PIK3CA: variants seen among roughly 807,000 people sequenced by gnomAD.
The protein encoded by PIK3CA is phosphatidylinositol 4,5-bisphosphate 3-kinase catalytic subunit alpha isoform.
In PIK3CA, 27 loss-of-function variants were observed where a neutral mutation model predicts 138.2. That is an observed-to-expected ratio of 0.20 (90% CI 0.14 to 0.27). The LOEUF is 0.27. Among genes scored for constraint, PIK3CA ranks in the 10% least tolerant of loss-of-function variants. PIK3CA has a pLI of 1.00. For missense variants in PIK3CA, 544 were observed against 1,277.4 expected, an observed-to-expected ratio of 0.43 and a Z score of 8.75; for synonymous variants, 358 against 413.2, an observed-to-expected ratio of 0.87 and a Z score of 1.62.
chr3:179,206,739 A>G (rs913108470), intron 6 of PIK3CA, among the ~76,000 whole-genome samples: 1 of 152,018 alleles, frequency 6.6e-6, no homozygotes, highest in Non-Finnish European at 1.5e-5. Flanking sequence ...ATATGGAAAA[A>G]CACAGTCTCT....
chr3:179,175,252 T>TA (rs1261246019), intron 1 of PIK3CA, among the ~76,000 whole-genome samples: 1 of 152,228 alleles, frequency 6.6e-6, no homozygotes, highest in African/African-American at 2.4e-5. Flanking sequence ...CTCCTACAAT[T>TA]ATGTGATATT....
At chr3:179,223,172 G>C (rs1725006423) in intron 14 of PIK3CA, among the ~76,000 whole-genome samples, 1 of 152,172 alleles carries the variant, frequency 6.6e-6, no homozygotes, top group Non-Finnish European at 1.5e-5. Context: ...ATGAACAAGA[G>C]CTATCTAGTC....
chr3:179,180,885 A>G (rs1314172041), intron 1 of PIK3CA, among the ~76,000 whole-genome samples: 2 of 152,198 alleles, frequency 1.3e-5, no homozygotes, highest in Non-Finnish European at 2.9e-5. Context: ...ATAAAATGTG[A>G]ACCTGAGAAC....
At position 179,237,882 on chromosome 3, in the gene PIK3CA, C is replaced by T. The variant is rs906638722; in HGVS notation, c.*3518C>T. ...CCTCTTTTTTCTATGTCTGCACAAA[C>T]TGCAGACCTGGGCTGGACCCACATA... On this transcript the variant is annotated 3_prime_UTR_variant, in exon 21 of 21. Transcript: ENST00000263967. 1.0e-4 allele frequency: 21 copies of T among 210,440 alleles called. No homozygotes were observed. Among genetic ancestry groups the T allele is most frequent in the Non-Finnish European group, 1.6e-4 (17 of 103,616 alleles). 13.0% of individuals were successfully genotyped at this position (210,440 alleles called of 1,614,324 possible).
At chr3:179,200,014 G>A (rs985274421) in intron 3 of PIK3CA, 115 bp downstream of exon 3, 2 of 611,012 alleles carry the variant, frequency 3.3e-6, no homozygotes, top group Admixed American at 2.8e-5. Context: ...CTTCTTGAAG[G>A]CAGGGACTGC....
chr3:179,181,272 A>C (rs751185523), intron 1 of PIK3CA, among the ~76,000 whole-genome samples: 10 of 152,168 alleles, frequency 6.6e-5, no homozygotes, highest in Admixed American at 6.5e-5. Flanking sequence ...ATCAGCAATA[A>C]GTTTCATATT....
chr3:179,230,497 G>A lies in PIK3CA; in HGVS notation c.2936+121G>A, dbSNP rs1166331800. ...TGGCTGGGTGTGGTGGTTCATGCCT[G>A]TAATCCCAACTCTTTGGGAGGCCGA... On this transcript the variant is annotated intron_variant, in intron 20 of 20. Coordinates refer to ENST00000263967, the MANE Select transcript of PIK3CA (RefSeq NM_006218.4). The surrounding 1 kb of genome is among the most constrained non-coding windows in gnomAD (Gnocchi z 5.4). 6 of 825,988 alleles carry A rather than the reference G, an allele frequency of 7.3e-6. No individual in the cohort carries two copies. Among genetic ancestry groups the A allele is most frequent in the African/African-American group, 5.2e-5 (3 of 57,490 alleles). The allele number at this position is 825,988 out of a possible 1,614,324, so 51.2% of individuals were successfully genotyped here. A position where few individuals can be genotyped will look rare whatever the true frequency, so the allele number is the denominator to read the frequency against.
intron 16 of PIK3CA, 135 bp from the exon 17 acceptor site, chr3:179,225,827 A>T (rs1387841587): frequency 1.7e-5 from 9 of 528,394 alleles, no homozygotes; most frequent in Non-Finnish European, 2.5e-5. Flanking sequence ...AGAAATCAGA[A>T]TATTGCTTTC....
At chr3:179,180,555 G>GA (rs11457431) in intron 1 of PIK3CA, among the ~76,000 whole-genome samples, 2,799 of 150,166 alleles carry the variant, frequency 0.019, 94 homozygotes, top group African/African-American at 0.064. Context: ...AGAGAAGATT[G>GA]AAAAAAAAAG....
At chr3:179,233,468 G>A (rs1725258791) in intron 20 of PIK3CA, 1 of 394,616 alleles carries the variant, frequency 2.5e-6, no homozygotes, top group East Asian at 3.6e-5. Context: ...AAATGGAAAG[G>A]GAATACAATT....
At chr3:179,206,486 TTTTTCCAAA>T (rs1383610132) in intron 6 of PIK3CA, among the ~76,000 whole-genome samples, 1 of 152,148 alleles carries the variant, frequency 6.6e-6, no homozygotes, top group Non-Finnish European at 1.5e-5. Flanking sequence ...ATAGCCAGAA[TTTTTCCAAA>T]TTTGGTAAAA....
intron 14 of PIK3CA, among the ~76,000 whole-genome samples, chr3:179,223,698 C>T (rs1042197578): frequency 2.0e-5 from 3 of 152,172 alleles, no homozygotes; most frequent in African/African-American, 7.2e-5. Context: ...TCTGTCTTAA[C>T]TATTCAACTC....
At chr3:179,161,881 A>T (rs557506826) in intron 1 of PIK3CA, among the ~76,000 whole-genome samples, 1 of 152,178 alleles carries the variant, frequency 6.6e-6, no homozygotes, top group Non-Finnish European at 1.5e-5. Context: ...AAATATCACT[A>T]TATGTATATT....
At chr3:179,201,267 C>T (rs769316233) in intron 3 of PIK3CA, 23 bp from the exon 4 acceptor site, 3 of 1,587,610 alleles carry the variant, frequency 1.9e-6, no homozygotes, top group Non-Finnish European at 2.6e-6. Context: ...ATGGTGATTG[C>T]ATCTAATGTT....
chr3:179,189,247 A>G (rs1005855451), intron 1 of PIK3CA, among the ~76,000 whole-genome samples: 10 of 152,126 alleles, frequency 6.6e-5, no homozygotes, highest in Non-Finnish European at 1.2e-4. Context: ...ATAAAATTCA[A>G]ATTGAAAAAG....
intron 1 of PIK3CA, among the ~76,000 whole-genome samples, chr3:179,172,491 G>GAAA (rs532076726): frequency 8.6e-5 from 12 of 139,992 alleles, no homozygotes; most frequent in African/African-American, 2.3e-4. Context: ...CTACCAAAAA[G>GAAA]AAAAAAAAAA....
At chr3:179,189,949 C>T (rs1332463495) in intron 1 of PIK3CA, among the ~76,000 whole-genome samples, 2 of 152,182 alleles carry the variant, frequency 1.3e-5, no homozygotes, top group African/African-American at 2.4e-5. Context: ...GTATATATTA[C>T]AGCTGTCCCT....
intron 1 of PIK3CA, among the ~76,000 whole-genome samples, chr3:179,159,174 C>T (rs1167459075): frequency 1.3e-5 from 2 of 152,076 alleles, no homozygotes; most frequent in East Asian, 1.9e-4. Context: ...TTTTATTAAG[C>T]ATGCTTCCAA....
In PIK3CA at chr3:179,229,359, G is replaced by A. The variant is rs1432993395; in HGVS notation, c.2583G>A (p.Gln861=). 1 of 1,613,246 alleles carries A rather than the reference G, an allele frequency of 6.2e-7. No individual in the cohort carries two copies. Among genetic ancestry groups the A allele is most frequent in the Non-Finnish European group, 8.5e-7 (1 of 1,179,578 alleles). Residue 861 remains glutamine (Q), a synonymous_variant, in exon 18 of 21, where the codon CAG becomes CAA. Transcript: ENST00000263967. ...VRNSHTIMQI[Q]CKGGLKGALQ... ...ATTCTCACACTATTATGCAAATTCA[G>A]TGCAAAGGCGGCTTGAAAGGTGCAC...
Sources: allele counts gnomAD v4.1 joint callset (sites outside exome capture counted in the v4.1 genomes callset), GRCh38; gene constraint gnomAD v4.1.1; non-coding constraint Gnocchi (gnomAD v3.1); transcripts MANE v1.5; gene names NCBI Gene and HGNC (gene_info 2026-07-23, HGNC 2026-07-21).